The following SHQ1 variants were observed in gnomAD, a reference collection of about 807,000 sequenced individuals.
SHQ1 encodes protein SHQ1 homolog.
Under a neutral mutation model 53.8 loss-of-function variants are expected in SHQ1, and 49 were observed. The observed-to-expected ratio is 0.91, with a 90% CI of 0.72 to 1.16. SHQ1 has a LOEUF of 1.16. SHQ1 is among the 50% of genes most tolerant of loss of function. The probability of loss-of-function intolerance (pLI) is 0.00; values close to 1 mark genes in which losing one functional copy is unlikely to be tolerated. For missense variants in SHQ1, 738 were observed against 683.1 expected, an observed-to-expected ratio of 1.08 and a Z score of -0.90; for synonymous variants, 243 against 251.0, an observed-to-expected ratio of 0.97 and a Z score of 0.30.
chr3:72,738,828 C>T, the SHQ1 span, among the ~76,000 whole-genome samples: 8 of 152,232 alleles, frequency 5.3e-5, no homozygotes, highest in Non-Finnish European at 7.3e-5. Flanking sequence ...GCTGGGAGAC[C>T]CTCCTCCAGG....
rs758629822 is a variant in SHQ1 at position 72,832,469 on chromosome 3, C to T, written c.499G>A (p.Asp167Asn). Residue 167 changes from aspartate to asparagine, a missense_variant, in exon 5 of 11, where the codon GAT becomes AAT. Coordinates refer to ENST00000325599, the MANE Select transcript of SHQ1 (RefSeq NM_018130.3). ...TCTGGATCCTTAATATCAATAACAT[C>T]ACTCAGTTCATCCTGAGGACACCCA... ...VLQRLQDELS[D>N]VIDIKDPDFT... 1.1e-5 allele frequency: 17 copies of T among 1,609,220 alleles called. No homozygotes were observed.
chr3:72,786,156 C>T (rs1349126033), intron 10 of SHQ1, among the ~76,000 whole-genome samples: 3 of 152,210 alleles, frequency 2.0e-5, no homozygotes, highest in Non-Finnish European at 4.4e-5. Context: ...AATCTGATGA[C>T]TAGTCTCCTT....
At chr3:72,755,639 G>A (rs1017411940) in intron 10 of SHQ1, among the ~76,000 whole-genome samples, 11 of 151,974 alleles carry the variant, frequency 7.2e-5, no homozygotes, top group African/African-American at 2.7e-4. Context: ...TATTCCTGTA[G>A]GGAAAAAAAA....
At chr3:72,800,654 G>A (rs867077923) in intron 9 of SHQ1, among the ~76,000 whole-genome samples, 4 of 152,140 alleles carry the variant, frequency 2.6e-5, no homozygotes, top group Admixed American at 1.3e-4. Flanking sequence ...TTTAATAAAC[G>A]CTGGTTGTTA....
At chr3:72,747,496 A>T (rs1372070837), downstream of SHQ1, among the ~76,000 whole-genome samples, 1 of 152,230 alleles carries the variant, frequency 6.6e-6, no homozygotes, top group African/African-American at 2.4e-5. Context: ...ACTGCTTTGA[A>T]AGACTTTCCA....
At chr3:72,825,195 G>C (rs1036970600) in intron 5 of SHQ1, among the ~76,000 whole-genome samples, 11 of 152,088 alleles carry the variant, frequency 7.2e-5, no homozygotes, top group Admixed American at 5.2e-4. Context: ...CAAATCTGAA[G>C]ACACATTGGA....
chr3:72,728,002 T>C, the SHQ1 span, among the ~76,000 whole-genome samples: 1 of 152,140 alleles, frequency 6.6e-6, no homozygotes. Context: ...TCACCAAAGA[T>C]GGGGCACTGG....
At chr3:72,787,603 T>G (rs1187645981) in intron 10 of SHQ1, among the ~76,000 whole-genome samples, 3 of 152,200 alleles carry the variant, frequency 2.0e-5, no homozygotes, top group Non-Finnish European at 4.4e-5. Context: ...TATTATGTTA[T>G]AAAGGGAAAT....
At chr3:72,814,790 A>G (rs1707255803) in intron 8 of SHQ1, among the ~76,000 whole-genome samples, 1 of 152,154 alleles carries the variant, frequency 6.6e-6, no homozygotes, top group African/African-American at 2.4e-5. Context: ...TTACTATACT[A>G]AAAGAGTTAT....
chr3:72,817,157 G>C (rs1707342401), intron 7 of SHQ1, 73 bp downstream of exon 7: 1 of 1,491,700 alleles, frequency 6.7e-7, no homozygotes. Flanking sequence ...CTCTAGACAA[G>C]AAAGACTGAT....
At chr3:72,802,321 T>A (rs1706813502) in intron 9 of SHQ1, among the ~76,000 whole-genome samples, 1 of 152,168 alleles carries the variant, frequency 6.6e-6, no homozygotes, top group East Asian at 1.9e-4. Context: ...AGGTCTCCTC[T>A]CTTCTCCATG....
intron 10 of SHQ1, among the ~76,000 whole-genome samples, chr3:72,785,204 G>A (rs573520177): frequency 1.3e-5 from 2 of 152,324 alleles, no homozygotes; most frequent in African/African-American, 2.4e-5. Flanking sequence ...AGAGCAAGCC[G>A]AATGCCTCAC....
At chr3:72,753,443 C>A in intron 10 of SHQ1, 1 of 985,332 alleles carries the variant, frequency 1.0e-6, no homozygotes, top group Non-Finnish European at 1.2e-6. Flanking sequence ...GTACTCAGCA[C>A]AATAATGAGA....
chr3:72,771,881 A>G (rs961915063), intron 10 of SHQ1, among the ~76,000 whole-genome samples: 1 of 152,248 alleles, frequency 6.6e-6, no homozygotes, highest in African/African-American at 2.4e-5. Flanking sequence ...AATCAGATTT[A>G]AAGGACAACT....
At chr3:72,739,993 AGGTGTG>A in the SHQ1 span, among the ~76,000 whole-genome samples, 1 of 152,040 alleles carries the variant, frequency 6.6e-6, no homozygotes, top group Non-Finnish European at 1.5e-5. Context: ...CTCGAGATGA[AGGTGTG>A]GCCGCTGGAA....
chr3:72,796,549 G>A (rs1706628846), intron 9 of SHQ1, among the ~76,000 whole-genome samples: 1 of 152,152 alleles, frequency 6.6e-6, no homozygotes, highest in Non-Finnish European at 1.5e-5. Context: ...GGCAGGGCAT[G>A]GTGGCTCATG....
chr3:72,804,261 CTTATA>C (rs1320981577), intron 9 of SHQ1, among the ~76,000 whole-genome samples: 2 of 152,128 alleles, frequency 1.3e-5, no homozygotes, highest in African/African-American at 4.8e-5. Context: ...CCCTTTGTAT[CTTATA>C]TTATAAACAC....
At chr3:72,837,079 G>A (rs937730276) in intron 4 of SHQ1, among the ~76,000 whole-genome samples, 2 of 152,160 alleles carry the variant, frequency 1.3e-5, no homozygotes, top group African/African-American at 2.4e-5. Context: ...CTGGGTTGGC[G>A]CCCAGAGACT....
At chr3:72,751,317 G>C (rs28669731) in intron 10 of SHQ1, among the ~76,000 whole-genome samples, 60 of 151,848 alleles carry the variant, frequency 4.0e-4, no homozygotes, top group Admixed American at 1.2e-3. Flanking sequence ...GTGGAGGGGG[G>C]GCTGAGGCAG....
Sources: allele counts gnomAD v4.1 joint callset (sites outside exome capture counted in the v4.1 genomes callset), GRCh38; gene constraint gnomAD v4.1.1; transcripts MANE v1.5; gene names NCBI Gene and HGNC (gene_info 2026-07-23, HGNC 2026-07-21).